Variants in CSGALNACT1 observed in about 807,000 individuals in gnomAD.
The protein encoded by CSGALNACT1 is beta4GalNAcT-1.
A neutral mutation model predicts 51.0 loss-of-function variants in CSGALNACT1; 52 were observed. The ratio of observed to expected loss-of-function variants is 1.02; its 90% CI spans 0.82 to 1.29. CSGALNACT1 has a LOEUF of 1.29. Among genes scored for constraint, CSGALNACT1 ranks in the 50% most tolerant of loss-of-function variants. The pLI is 0.00. For synonymous variants in CSGALNACT1, 341 were observed against 254.4 expected (o/e 1.34, Z -3.24); for missense variants, 935 against 679.2 (o/e 1.38, Z -4.19).
chr8:19,425,521 T>C (rs2058641435), intron 6 of CSGALNACT1, among the ~76,000 whole-genome samples: 1 of 152,202 alleles, frequency 6.6e-6, no homozygotes, highest in Non-Finnish European at 1.5e-5. Context: ...TTTTCCTCTG[T>C]TCCCTCTTTT....
At chr8:19,623,167 A>G (rs1439745564) in intron 1 of CSGALNACT1, among the ~76,000 whole-genome samples, 2 of 152,248 alleles carry the variant, frequency 1.3e-5, no homozygotes, top group Admixed American at 1.3e-4. Flanking sequence ...GGGAAAGCTT[A>G]ATCAAACTAG....
chr8:19,621,276 G>GA (rs1014901885), intron 1 of CSGALNACT1, among the ~76,000 whole-genome samples: 4 of 151,210 alleles, frequency 2.6e-5, no homozygotes, highest in Admixed American at 6.6e-5. Flanking sequence ...TTGATGAGGG[G>GA]AAAAAAAACC....
intron 5 of CSGALNACT1, among the ~76,000 whole-genome samples, chr8:19,455,297 T>C (rs1175793915): frequency 6.6e-6 from 1 of 152,166 alleles, no homozygotes; most frequent in Non-Finnish European, 1.5e-5. Flanking sequence ...TATATAAATA[T>C]TTAGAAAACA....
At chr8:19,474,813 G>C (rs1025480598) in intron 4 of CSGALNACT1, among the ~76,000 whole-genome samples, 1 of 145,058 alleles carries the variant, frequency 6.9e-6, no homozygotes, top group Non-Finnish European at 1.5e-5. Context: ...GTTGCAGTGA[G>C]CTGAGATCGC....
At chr8:19,745,310 C>A (rs2064580931) in intron 1 of CSGALNACT1, among the ~76,000 whole-genome samples, 1 of 152,150 alleles carries the variant, frequency 6.6e-6, no homozygotes, top group Non-Finnish European at 1.5e-5. Flanking sequence ...TACCCATATC[C>A]ACATCTTATC....
intron 1 of CSGALNACT1, among the ~76,000 whole-genome samples, chr8:19,665,512 C>T (rs909838832): frequency 2.0e-5 from 3 of 152,182 alleles, no homozygotes; most frequent in African/African-American, 7.2e-5. Context: ...GGAATAAATG[C>T]TCTTTATTCA....
chr8:19,496,722 G>C (rs1045177863), intron 4 of CSGALNACT1, among the ~76,000 whole-genome samples: 1 of 152,162 alleles, frequency 6.6e-6, no homozygotes, highest in Admixed American at 6.5e-5. Flanking sequence ...ATGAGCCCTT[G>C]CTTGGTGGGG....
At chr8:19,597,221 C>A (rs7831489) in intron 2 of CSGALNACT1, among the ~76,000 whole-genome samples, 129,604 of 150,884 alleles carry the variant, frequency 0.86, 55,806 homozygotes, top group East Asian at 1. Flanking sequence ...GATATACATA[C>A]TGCATTTCGT....
chr8:19,566,317 C>G (rs970548128), intron 3 of CSGALNACT1, among the ~76,000 whole-genome samples: 2 of 152,000 alleles, frequency 1.3e-5, no homozygotes, highest in Non-Finnish European at 2.9e-5. Context: ...CTAAAAGAAA[C>G]AAAGAATTTG....
At position 19,427,047 on chromosome 8, in the gene CSGALNACT1, G is replaced by A. The variant is rs1241865916; in HGVS notation, c.954-6529C>T. The stretch of plus-strand genomic sequence containing the variant: ...CTTCTTGAAGATATTGGAATACAGT[G>A]AAGAATTTAAAGCTGAACATGTTAT... On this transcript the variant is annotated intron_variant, in intron 6 of 9. Transcript: ENST00000454498. Among the ~76,000 whole-genome samples the A allele has an allele frequency of 2.6e-5, 4 of 152,208 alleles. No homozygotes were observed. The South Asian group carries it at 8.3e-4, about 32-fold the overall frequency.
At chr8:19,714,831 T>A (rs73667405) in intron 1 of CSGALNACT1, among the ~76,000 whole-genome samples, 10 of 152,204 alleles carry the variant, frequency 6.6e-5, no homozygotes, top group Admixed American at 5.9e-4. Context: ...AAATTGCATG[T>A]TGCAGGGGTT....
chr8:19,536,361 A>ATC (rs901637339), intron 3 of CSGALNACT1, among the ~76,000 whole-genome samples: 45 of 152,144 alleles, frequency 3.0e-4, no homozygotes, highest in Non-Finnish European at 6.6e-4. Flanking sequence ...AAACAAATGC[A>ATC]TCTCCACACA....
intron 3 of CSGALNACT1, among the ~76,000 whole-genome samples, chr8:19,587,533 T>C (rs2046916830): frequency 6.6e-6 from 1 of 152,148 alleles, no homozygotes. Context: ...CTAATAACTA[T>C]CAAGTTATGA....
In CSGALNACT1 at chr8:19,434,643, G is replaced by C. The variant is rs141833969; in HGVS notation, c.953+5187C>G. ...CCACAAAGAGTTGGCACACAAAGCA[G>C]AATCACGCTTAGCAAAGCCTCTGGC... On this transcript the variant is annotated intron_variant, in intron 6 of 9. Coordinates refer to ENST00000454498, the Ensembl canonical transcript of CSGALNACT1. Among the ~76,000 whole-genome samples the C allele has an allele frequency of 9.8e-3, 1,487 of 152,282 alleles. 22 individuals are homozygous for C. Among genetic ancestry groups the C allele is most frequent in the African/African-American group, 0.034 (1,410 of 41,548 alleles).
At chr8:19,476,978 G>A (rs1328667958) in intron 4 of CSGALNACT1, among the ~76,000 whole-genome samples, 1 of 152,188 alleles carries the variant, frequency 6.6e-6, no homozygotes, top group African/African-American at 2.4e-5. Context: ...CTGAATTCCT[G>A]ACCCAGTTGC....
chr8:19,542,200 AACAC>A (rs55968136), intron 3 of CSGALNACT1, among the ~76,000 whole-genome samples: 17,921 of 143,954 alleles, frequency 0.12, 1,193 homozygotes, highest in Non-Finnish European at 0.16. Flanking sequence ...CAGCACAAGA[AACAC>A]ACACACACAC....
intron 1 of CSGALNACT1, among the ~76,000 whole-genome samples, chr8:19,619,102 C>T (rs1300369311): frequency 6.6e-6 from 1 of 151,944 alleles, no homozygotes; most frequent in East Asian, 1.9e-4. Flanking sequence ...TATGAGAAAG[C>T]GTGTACAGGG....
chr8:19,627,668 T>TA (rs899732722), intron 1 of CSGALNACT1, among the ~76,000 whole-genome samples: 3 of 151,780 alleles, frequency 2.0e-5, no homozygotes, highest in African/African-American at 7.3e-5. Context: ...AAAAACGTAA[T>TA]AAAAAAATTA....
intron 3 of CSGALNACT1, among the ~76,000 whole-genome samples, chr8:19,556,334 C>G (rs900861860): frequency 2.0e-5 from 3 of 151,628 alleles, no homozygotes; most frequent in African/African-American, 7.3e-5. Flanking sequence ...CGAAATTGCA[C>G]CATTTGCACT....
Sources: allele counts gnomAD v4.1 joint callset (sites outside exome capture counted in the v4.1 genomes callset), GRCh38; gene constraint gnomAD v4.1.1; transcripts MANE v1.5; gene names NCBI Gene and HGNC (gene_info 2026-07-23, HGNC 2026-07-21).